Variants in LHFPL6 observed in about 807,000 individuals in gnomAD.
The protein encoded by LHFPL6 is LHFPL tetraspan subfamily member 6.
In LHFPL6, 9 loss-of-function variants were observed where a neutral mutation model predicts 20.6. The observed-to-expected ratio is 0.44, with a 90% CI of 0.26 to 0.76. The LOEUF is 0.76. LHFPL6 is among the 30% of genes least tolerant of loss of function. The probability of loss-of-function intolerance (pLI) is 0.20; values close to 1 mark genes in which losing one functional copy is unlikely to be tolerated. For synonymous variants in LHFPL6, 105 were observed against 98.7 expected (o/e 1.06, Z -0.38); for missense variants, 218 against 253.5 (o/e 0.86, Z 0.95).
At chr13:39,393,091 G>T (rs1481848921) in intron 2 of LHFPL6, among the ~76,000 whole-genome samples, 2 of 152,120 alleles carry the variant, frequency 1.3e-5, no homozygotes, top group Non-Finnish European at 2.9e-5. Flanking sequence ...TGCAAATACG[G>T]TGCCATTTTA....
At chr13:39,399,111 A>G (rs972130968) in intron 2 of LHFPL6, among the ~76,000 whole-genome samples, 3 of 152,184 alleles carry the variant, frequency 2.0e-5, no homozygotes, top group African/African-American at 7.2e-5. Flanking sequence ...AGTTTTAAAA[A>G]TCCTATGGTT....
chr13:39,455,130 A>G (rs988944661), intron 2 of LHFPL6, among the ~76,000 whole-genome samples: 1 of 152,154 alleles, frequency 6.6e-6, no homozygotes, highest in African/African-American at 2.4e-5. Flanking sequence ...AATTGTGAGA[A>G]ATAAAGTTTT....
chr13:39,374,880 C>T (rs746741207), intron 3 of LHFPL6, among the ~76,000 whole-genome samples: 20 of 152,160 alleles, frequency 1.3e-4, no homozygotes, highest in Non-Finnish European at 2.6e-4. Context: ...AGCACCTAGC[C>T]CATGGGCTGG....
At chr13:39,456,058 C>A (rs1486942555) in intron 2 of LHFPL6, among the ~76,000 whole-genome samples, 2 of 152,160 alleles carry the variant, frequency 1.3e-5, no homozygotes, top group Admixed American at 1.3e-4. Flanking sequence ...TAGAAACAAT[C>A]CAGTAGCAAG....
intron 3 of LHFPL6, among the ~76,000 whole-genome samples, chr13:39,352,912 T>TATATATATGTGC (rs1566091641): frequency 0.011 from 674 of 58,848 alleles, 101 homozygotes; most frequent in African/African-American, 0.038. Flanking sequence ...TATATAAATG[T>TATATATATGTGC]ATATATATAT....
At chr13:39,449,212 C>T (rs1250931445) in intron 2 of LHFPL6, among the ~76,000 whole-genome samples, 1 of 152,214 alleles carries the variant, frequency 6.6e-6, no homozygotes, top group Non-Finnish European at 1.5e-5. Flanking sequence ...TTCCTCACTA[C>T]ATTTCACGAC....
chr13:39,410,539 C>T (rs1196797160), intron 2 of LHFPL6, among the ~76,000 whole-genome samples: 1 of 152,114 alleles, frequency 6.6e-6, no homozygotes. Context: ...GAAACAGATC[C>T]TCTTTCTCCC....
Position 39,343,600 on chromosome 13 carries a change from T to G in LHFPL6, c.*336A>C, listed in dbSNP as rs967057247. On this transcript the variant is annotated 3_prime_UTR_variant, in exon 4 of 4. Transcript: ENST00000379589. ...CAAACCCTTGTTTGTATATGTAGAT[T>G]TGTTGTGTGTGTGTGTGTGTGTGTG... is the stretch of plus-strand genomic sequence containing the variant. 3.3e-5 allele frequency: 7 copies of G among 212,476 alleles called. No homozygotes were observed. The highest frequency in any genetic ancestry group is 2.0e-4 in the African/African-American group (7 of 35,340). The allele number at this position is 212,476 out of a possible 1,614,324, so 13.2% of individuals were successfully genotyped here. A position where few individuals can be genotyped will look rare whatever the true frequency, so the allele number is the denominator to read the frequency against.
intron 2 of LHFPL6, among the ~76,000 whole-genome samples, chr13:39,428,311 C>T (rs997142178): frequency 6.6e-6 from 1 of 152,076 alleles, no homozygotes; most frequent in Non-Finnish European, 1.5e-5. Flanking sequence ...TTAAAAGTTT[C>T]ATAGAATTCA....
chr13:39,499,861 G>C (rs1268827654), intron 2 of LHFPL6, among the ~76,000 whole-genome samples: 2 of 152,172 alleles, frequency 1.3e-5, no homozygotes, highest in African/African-American at 4.8e-5. Flanking sequence ...ACTTTGAATT[G>C]GGTTTTTGTC....
Position 39,343,737 on chromosome 13 carries a change from T to C in LHFPL6, c.*199A>G, listed in dbSNP as rs1414028718. 3.7e-6 allele frequency: 2 copies of C among 544,836 alleles called. No homozygotes were observed. Among genetic ancestry groups the C allele is most frequent in the East Asian group, 2.9e-5 (1 of 34,846 alleles). The allele number at this position is 544,836 out of a possible 1,614,324, so 33.8% of individuals were successfully genotyped here. A position where few individuals can be genotyped will look rare whatever the true frequency, so the allele number is the denominator to read the frequency against. ...TGGTCCATTTTTCTCCATCATTCTATACTCTCCTTTTTTTTCCCCCACAAA... is the reference window on the plus strand; with the variant it reads ...TGGTCCATTTTTCTCCATCATTCTACACTCTCCTTTTTTTTCCCCCACAAA... On this transcript the variant is annotated 3_prime_UTR_variant, in exon 4 of 4. Transcript: ENST00000379589.
intron 2 of LHFPL6, among the ~76,000 whole-genome samples, chr13:39,570,815 T>C (rs1871891078): frequency 6.6e-6 from 1 of 152,172 alleles, no homozygotes; most frequent in Non-Finnish European, 1.5e-5. Context: ...GCCACGTGTG[T>C]GTTTTTCTCC....
At chr13:39,352,256 C>G (rs570017983) in intron 3 of LHFPL6, among the ~76,000 whole-genome samples, 2 of 152,268 alleles carry the variant, frequency 1.3e-5, no homozygotes, top group African/African-American at 4.8e-5. Context: ...TGTTTTTGAC[C>G]CTACCTTGAC....
At chr13:39,588,454 C>A (rs1872516331) in intron 2 of LHFPL6, among the ~76,000 whole-genome samples, 1 of 152,202 alleles carries the variant, frequency 6.6e-6, no homozygotes, top group African/African-American at 2.4e-5. Context: ...GTAAATAGGG[C>A]CCTGCCATTC....
chr13:39,424,842 G>A (rs1455177603), intron 2 of LHFPL6, among the ~76,000 whole-genome samples: 2 of 152,124 alleles, frequency 1.3e-5, no homozygotes, highest in African/African-American at 2.4e-5. Context: ...GCAAAGAATC[G>A]TAGCATTATT....
At chr13:39,559,474 T>C (rs1871405078) in intron 2 of LHFPL6, among the ~76,000 whole-genome samples, 1 of 152,200 alleles carries the variant, frequency 6.6e-6, no homozygotes, top group South Asian at 2.1e-4. Context: ...ACAAGGACAC[T>C]GCAGATCCCC....
At chr13:39,600,018 T>C (rs1027566565) in intron 2 of LHFPL6, among the ~76,000 whole-genome samples, 2 of 152,186 alleles carry the variant, frequency 1.3e-5, no homozygotes, top group African/African-American at 4.8e-5. Context: ...GCCAGTCAGG[T>C]TGAAGAATGG....
chr13:39,426,356 G>A lies in LHFPL6; in HGVS notation c.386-47830C>T, dbSNP rs1047777531. On this transcript the variant is annotated intron_variant, in intron 2 of 3. Coordinates refer to ENST00000379589, the MANE Select transcript of LHFPL6 (RefSeq NM_005780.3). ...CTGCCTCAGCCTCCCGAGTAGCAGG[G>A]ATTACAGGCATGTGCCACCACGCTT... 7.9e-5 allele frequency among the ~76,000 whole-genome samples: 12 copies of A among 152,018 alleles called. No homozygotes were observed. In the East Asian group the frequency reaches 2.1e-3, roughly 27 times the overall value.
chr13:39,437,779 G>A (rs1420435208), intron 2 of LHFPL6, among the ~76,000 whole-genome samples: 1 of 152,016 alleles, frequency 6.6e-6, no homozygotes, highest in Non-Finnish European at 1.5e-5. Flanking sequence ...GCGGGTGCCT[G>A]TAGTCCCAGC....
Sources: gnomAD v4.1 joint callset for allele counts (sites outside exome capture counted in the v4.1 genomes callset) on GRCh38, gnomAD v4.1.1 for gene constraint, MANE v1.5 for transcripts, NCBI Gene and HGNC (gene_info 2026-07-23, HGNC 2026-07-21) for gene names.